CACNB2: variants seen among roughly 807,000 people sequenced by gnomAD.
CACNB2 encodes the protein voltage-dependent L-type calcium channel subunit beta-2.
Under a neutral mutation model 73.3 loss-of-function variants are expected in CACNB2, and 42 were observed. That is an observed-to-expected ratio of 0.57 (90% confidence interval 0.45 to 0.74). The LOEUF is 0.74. Ranked by LOEUF, CACNB2 falls within the 30% of genes least tolerant of loss-of-function variation. CACNB2 has a pLI of 0.00. For missense variants in CACNB2, 940 were observed against 853.0 expected (o/e 1.10, Z -1.27); for synonymous variants, 348 against 310.3 (o/e 1.12, Z -1.28).
In CACNB2 at chr10:18,340,566, G is replaced by T. The variant is rs554038094; in HGVS notation, c.214-61358G>T. On this transcript the variant is annotated intron_variant, in intron 2 of 13. Coordinates refer to ENST00000324631, the MANE Select transcript of CACNB2 (RefSeq NM_201596.3). ...GAGTCCTGGCTGCCTGGAGGGACCTGTCGCATCTGATACTAATGAAGTGTT... is the reference window on the plus strand; with the variant it reads ...GAGTCCTGGCTGCCTGGAGGGACCTTTCGCATCTGATACTAATGAAGTGTT... The T allele has an allele frequency of 1.5e-5, 8 of 536,134 alleles. No homozygotes were observed. The South Asian group carries it at 2.9e-4, about 19-fold the overall frequency. The allele number at this position is 536,134 out of a possible 1,614,324, so 33.2% of individuals were successfully genotyped here.
chr10:18,333,739 G>T (rs2040894140), intron 2 of CACNB2, among the ~76,000 whole-genome samples: 1 of 152,148 alleles, frequency 6.6e-6, no homozygotes, highest in African/African-American at 2.4e-5. Context: ...AGATGACACT[G>T]TTGAGGCATA....
At chr10:18,218,564 C>T (rs2035604020) in intron 2 of CACNB2, among the ~76,000 whole-genome samples, 1 of 152,160 alleles carries the variant, frequency 6.6e-6, no homozygotes, top group Admixed American at 6.5e-5. Flanking sequence ...CCTTATGTGT[C>T]TGTCTGAAAT....
intron 12 of CACNB2, among the ~76,000 whole-genome samples, chr10:18,536,708 A>G (rs1186180411): frequency 6.6e-6 from 1 of 152,154 alleles, no homozygotes; most frequent in Non-Finnish European, 1.5e-5. Context: ...CCAAACGATG[A>G]TCATAGCTTA....
At chr10:18,190,827 G>C (rs1298474568) in intron 2 of CACNB2, among the ~76,000 whole-genome samples, 1 of 152,178 alleles carries the variant, frequency 6.6e-6, no homozygotes. Context: ...GTTAGGTGTT[G>C]ACAAGGGAAG....
chr10:18,255,422 A>G (rs926996774), intron 2 of CACNB2, among the ~76,000 whole-genome samples: 2 of 152,100 alleles, frequency 1.3e-5, no homozygotes, highest in South Asian at 4.2e-4. Flanking sequence ...CCCCCTCTAC[A>G]TTCTCATAGT....
intron 13 of CACNB2, among the ~76,000 whole-genome samples, chr10:18,538,854 T>C (rs1171104771): frequency 6.6e-6 from 1 of 152,142 alleles, no homozygotes; most frequent in Non-Finnish European, 1.5e-5. Context: ...TTTGCTATTT[T>C]TAATATTCTC....
intron 2 of CACNB2, among the ~76,000 whole-genome samples, chr10:18,299,774 G>C (rs2039434436): frequency 6.6e-6 from 1 of 152,138 alleles, no homozygotes; most frequent in South Asian, 2.1e-4. Context: ...AACTCATGTT[G>C]CTGATGGTTG....
intron 2 of CACNB2, among the ~76,000 whole-genome samples, chr10:18,399,435 T>C (rs2043878663): frequency 6.6e-6 from 1 of 152,230 alleles, no homozygotes; most frequent in Admixed American, 6.5e-5. Context: ...GTACAACTGA[T>C]CACTAACTTT....
intron 2 of CACNB2, among the ~76,000 whole-genome samples, chr10:18,248,298 A>C (rs1264434704): frequency 6.6e-6 from 1 of 152,238 alleles, no homozygotes; most frequent in Non-Finnish European, 1.5e-5. Context: ...AAAATTAAAA[A>C]TTCGTATTTC....
chr10:18,418,301 T>C (rs995328262), intron 3 of CACNB2, among the ~76,000 whole-genome samples: 1 of 152,180 alleles, frequency 6.6e-6, no homozygotes, highest in South Asian at 2.1e-4. Context: ...TCTCGATCTC[T>C]TGACCTCGTG....
At chr10:18,181,562 T>TTTTATTTTATTTTA (rs2033882015) in intron 2 of CACNB2, among the ~76,000 whole-genome samples, 4 of 113,536 alleles carry the variant, frequency 3.5e-5, no homozygotes. Flanking sequence ...GAGGATAACT[T>TTTTATTTTATTTTA]TTTTATTTTA....
intron 2 of CACNB2, among the ~76,000 whole-genome samples, chr10:18,213,174 G>A (rs887339393): frequency 1.3e-5 from 2 of 152,028 alleles, no homozygotes; most frequent in Non-Finnish European, 2.9e-5. Context: ...TGATACAGAG[G>A]AGGCCCCTGG....
chr10:18,492,634 AAAAAGAAAAAAAG>A (rs2049517363), intron 3 of CACNB2, among the ~76,000 whole-genome samples: 1 of 130,222 alleles, frequency 7.7e-6, no homozygotes, highest in Non-Finnish European at 1.5e-5. Context: ...AAAAAAAAAA[AAAAAGAAAAAAAG>A]AAAAGAAAAG....
intron 2 of CACNB2, chr10:18,260,958 A>G (rs2037508854): frequency 7.7e-7 from 1 of 1,297,812 alleles, no homozygotes; most frequent in African/African-American, 1.5e-5. Flanking sequence ...ACTCTGTGTT[A>G]GCAATACTTA....
intron 2 of CACNB2, among the ~76,000 whole-genome samples, chr10:18,203,540 CA>C (rs5783586): frequency 0.052 from 7,937 of 151,910 alleles, 619 homozygotes; most frequent in African/African-American, 0.17. Context: ...TGAGTACCTT[CA>C]AAAAAAGATG....
At chr10:18,249,100 T>A (rs1261570705) in intron 2 of CACNB2, among the ~76,000 whole-genome samples, 1 of 152,160 alleles carries the variant, frequency 6.6e-6, no homozygotes, top group Admixed American at 6.5e-5. Flanking sequence ...CATCTCCTCA[T>A]TCTCGGTTAA....
chr10:18,214,870 T>C (rs1277804932), intron 2 of CACNB2, among the ~76,000 whole-genome samples: 3 of 152,188 alleles, frequency 2.0e-5, no homozygotes, highest in Non-Finnish European at 4.4e-5. Flanking sequence ...TGTGCCTGTG[T>C]GTACTGGCTG....
chr10:18,286,918 C>A (rs192071463), intron 2 of CACNB2, among the ~76,000 whole-genome samples: 4 of 152,260 alleles, frequency 2.6e-5, no homozygotes, highest in Admixed American at 2.6e-4. Flanking sequence ...TATTAATCGA[C>A]CCCATAGGGT....
intron 2 of CACNB2, among the ~76,000 whole-genome samples, chr10:18,346,308 T>C (rs1162191845): frequency 6.6e-6 from 1 of 151,946 alleles, no homozygotes; most frequent in Non-Finnish European, 1.5e-5. Flanking sequence ...CCTGGCTAAT[T>C]TTTGTATGTT....
Sources: allele counts gnomAD v4.1 joint callset (sites outside exome capture counted in the v4.1 genomes callset), GRCh38; gene constraint gnomAD v4.1.1; transcripts MANE v1.5; gene names NCBI Gene and HGNC (gene_info 2026-07-23, HGNC 2026-07-21).